Variants in SPON1 observed in about 807,000 individuals in gnomAD.
SPON1 encodes the protein spondin-1.
A neutral mutation model predicts 111.7 loss-of-function variants in SPON1; 52 were observed. That is an observed-to-expected ratio of 0.47 (90% confidence interval 0.37 to 0.59). The LOEUF (loss-of-function observed/expected upper bound fraction) is 0.59. Ranked by LOEUF, SPON1 falls within the 20% of genes least tolerant of loss-of-function variation. The pLI is 0.00. For synonymous variants in SPON1, 410 were observed against 395.8 expected (o/e 1.04, Z -0.43); for missense variants, 957 against 1,068.5 (o/e 0.90, Z 1.46).
intron 6 of SPON1, among the ~76,000 whole-genome samples, chr11:14,148,416 A>C (rs1194070938): frequency 6.6e-6 from 1 of 152,140 alleles, no homozygotes; most frequent in Non-Finnish European, 1.5e-5. Context: ...GTGCCTTTGG[A>C]ATGTGGTACC....
At chr11:13,969,119 C>T (rs1554908343) in intron 1 of SPON1, among the ~76,000 whole-genome samples, 2 of 150,908 alleles carry the variant, frequency 1.3e-5, no homozygotes, top group African/African-American at 4.9e-5. Context: ...GTGGCTCACA[C>T]CTGTAACCTC....
At chr11:14,210,373 CTTTTT>C (rs79378171) in intron 6 of SPON1, among the ~76,000 whole-genome samples, 3 of 133,738 alleles carry the variant, frequency 2.2e-5, no homozygotes, top group African/African-American at 8.1e-5. Flanking sequence ...TTTCTTTTTC[CTTTTT>C]TTTTTTTTTT....
chr11:13,969,168 C>G (rs1848042776), intron 1 of SPON1, among the ~76,000 whole-genome samples: 1 of 145,966 alleles, frequency 6.9e-6, no homozygotes, highest in Admixed American at 7.2e-5. Context: ...TTGCTTAACC[C>G]CAGGAGTTCA....
intron 15 of SPON1, among the ~76,000 whole-genome samples, chr11:14,264,306 T>G (rs1227223017): frequency 1.4e-4 from 21 of 152,154 alleles, no homozygotes; most frequent in African/African-American, 5.1e-4. Context: ...GTTGACTGAT[T>G]TGGGGATGGC....
chr11:14,165,434 A>C (rs782402760), intron 6 of SPON1, among the ~76,000 whole-genome samples: 1 of 152,162 alleles, frequency 6.6e-6, no homozygotes, highest in Non-Finnish European at 1.5e-5. Flanking sequence ...ACCACTTTGC[A>C]ATTGTCTGAG....
chr11:14,164,462 ACCAGAGGGAGCATGCC>A (rs1848003807), intron 6 of SPON1, among the ~76,000 whole-genome samples: 1 of 152,176 alleles, frequency 6.6e-6, no homozygotes, highest in Non-Finnish European at 1.5e-5. Context: ...AGAGTACTTA[ACCAGAGGGAGCATGCC>A]CCTCTTTGTC....
At chr11:14,056,845 C>T (rs553401935) in intron 3 of SPON1, among the ~76,000 whole-genome samples, 19 of 152,198 alleles carry the variant, frequency 1.2e-4, no homozygotes, top group South Asian at 2.1e-4. Flanking sequence ...AAGCGGAGAT[C>T]GCGCCACTGC....
intron 2 of SPON1, among the ~76,000 whole-genome samples, chr11:14,004,245 G>T (rs1284478619): frequency 6.6e-6 from 1 of 152,086 alleles, no homozygotes; most frequent in Non-Finnish European, 1.5e-5. Flanking sequence ...AATGAACATG[G>T]ACATTTAGGT....
intron 2 of SPON1, among the ~76,000 whole-genome samples, chr11:14,028,823 A>G (rs1200140181): frequency 6.6e-6 from 1 of 152,152 alleles, no homozygotes; most frequent in Non-Finnish European, 1.5e-5. Flanking sequence ...TTCAGTAGCT[A>G]AGGCAGAAAT....
At chr11:14,039,858 A>C (rs1591358972) in intron 2 of SPON1, among the ~76,000 whole-genome samples, 1 of 152,206 alleles carries the variant, frequency 6.6e-6, no homozygotes, top group Non-Finnish European at 1.5e-5. Context: ...CCAAAACAGC[A>C]AGAAAAAGAC....
chr11:14,144,687 A>C (rs1847698661), intron 6 of SPON1, among the ~76,000 whole-genome samples: 1 of 151,164 alleles, frequency 6.6e-6, no homozygotes. Context: ...TAAAAAGTAA[A>C]AACCCAAAGA....
intron 6 of SPON1, among the ~76,000 whole-genome samples, chr11:14,163,877 C>T (rs1377177439): frequency 1.3e-5 from 2 of 151,944 alleles, no homozygotes; most frequent in Non-Finnish European, 2.9e-5. Flanking sequence ...TACCCCCACA[C>T]CCATAAAGGC....
intron 5 of SPON1, among the ~76,000 whole-genome samples, chr11:14,100,861 A>G (rs1293621049): frequency 6.6e-6 from 1 of 152,172 alleles, no homozygotes; most frequent in African/African-American, 2.4e-5. Context: ...TAAATGACTG[A>G]TGGCTGACAT....
chr11:14,123,830 A>G (rs986370805), intron 5 of SPON1, among the ~76,000 whole-genome samples: 2 of 152,236 alleles, frequency 1.3e-5, no homozygotes, highest in Non-Finnish European at 2.9e-5. Context: ...TGTCTGTGGC[A>G]GAAAGCCTGG....
chr11:13,963,268 C>T (rs1414138526), intron 1 of SPON1, 126 bp downstream of exon 1: 1 of 658,140 alleles, frequency 1.5e-6, no homozygotes, highest in South Asian at 2.3e-5. Context: ...CGGCAAGGGC[C>T]CTTCTGTCCT....
At chr11:14,062,696 C>T (rs2133823795) in intron 3 of SPON1, among the ~76,000 whole-genome samples, 1 of 152,308 alleles carries the variant, frequency 6.6e-6, no homozygotes, top group Non-Finnish European at 1.5e-5. Flanking sequence ...GCCAAATATC[C>T]TCCGAGGATA....
At chr11:14,126,455 T>C (rs754687243) in intron 5 of SPON1, among the ~76,000 whole-genome samples, 14 of 152,204 alleles carry the variant, frequency 9.2e-5, no homozygotes, top group Non-Finnish European at 1.9e-4. Context: ...CTCAAAATTA[T>C]CTCCCTGGAG....
chr11:14,138,658 TG>T (rs1847619357), intron 6 of SPON1, among the ~76,000 whole-genome samples: 1 of 152,084 alleles, frequency 6.6e-6, no homozygotes, highest in Non-Finnish European at 1.5e-5. Flanking sequence ...AGATCACACT[TG>T]TAGGTTGGTG....
At chr11:14,152,596 G>T (rs994898331) in intron 6 of SPON1, among the ~76,000 whole-genome samples, 3 of 152,276 alleles carry the variant, frequency 2.0e-5, no homozygotes, top group East Asian at 1.9e-4. Context: ...TCTTGATAGG[G>T]AATACAGAAG....
Sources: allele counts gnomAD v4.1 joint callset (sites outside exome capture counted in the v4.1 genomes callset), GRCh38; gene constraint gnomAD v4.1.1; transcripts MANE v1.5; gene names NCBI Gene and HGNC (gene_info 2026-07-23, HGNC 2026-07-21).